The following ATAD2B variants were observed in gnomAD, a reference collection of about 807,000 sequenced individuals.
ATAD2B encodes ATPase family AAA domain-containing protein 2B.
Under a neutral mutation model 167.6 loss-of-function variants are expected in ATAD2B, and 40 were observed. The ratio of observed to expected loss-of-function variants is 0.24; its 90% CI spans 0.19 to 0.31. ATAD2B has a LOEUF of 0.31. Among genes scored for constraint, ATAD2B ranks in the 10% least tolerant of loss-of-function variants. ATAD2B has a pLI of 1.00. For missense variants in ATAD2B, 1,242 were observed against 1,757.2 expected (o/e 0.71, Z 5.24); for synonymous variants, 579 against 596.5 (o/e 0.97, Z 0.43).
At chr2:23,788,423 A>T in intron 20 of ATAD2B, 89 bp downstream of exon 20, 1 of 1,418,974 alleles carries the variant, frequency 7.0e-7, no homozygotes, top group Non-Finnish European at 9.7e-7. Context: ...CTCACTTCCA[A>T]GAAGAAAGGG....
intron 18 of ATAD2B, among the ~76,000 whole-genome samples, chr2:23,808,142 TTATATTA>T (rs1470408597): frequency 1.5e-4 from 3 of 19,846 alleles, no homozygotes; most frequent in East Asian, 2.8e-3. Context: ...AAGTGATTAC[TTATATTA>T]TATGTTATTT....
chr2:23,781,329 C>CA (rs1338978418), intron 22 of ATAD2B, among the ~76,000 whole-genome samples: 2 of 136,144 alleles, frequency 1.5e-5, no homozygotes, highest in South Asian at 2.3e-4. Context: ...GTCCTGACCA[C>CA]AAAAAAATAA....
intron 13 of ATAD2B, among the ~76,000 whole-genome samples, chr2:23,849,498 T>C (rs887233597): frequency 5.3e-5 from 8 of 152,214 alleles, no homozygotes; most frequent in African/African-American, 1.9e-4. Flanking sequence ...TTAACATATT[T>C]GTCTCTGCAA....
chr2:23,904,101 T>C (rs183220357), intron 1 of ATAD2B, among the ~76,000 whole-genome samples: 41 of 152,182 alleles, frequency 2.7e-4, no homozygotes, highest in Admixed American at 9.2e-4. Flanking sequence ...AACACACCTC[T>C]GAGTTGAAGT....
At chr2:23,824,083 G>A (rs967282886) in intron 15 of ATAD2B, among the ~76,000 whole-genome samples, 1 of 152,032 alleles carries the variant, frequency 6.6e-6, no homozygotes, top group Non-Finnish European at 1.5e-5. Context: ...TGAGTAGCTA[G>A]GACTACGGGC....
At chr2:23,734,080 A>G in the ATAD2B span, among the ~76,000 whole-genome samples, 2 of 152,154 alleles carry the variant, frequency 1.3e-5, no homozygotes, top group African/African-American at 4.8e-5. Context: ...CCTTCCATGC[A>G]TTACTAGGTT....
At chr2:23,686,933 G>A in the ATAD2B span, among the ~76,000 whole-genome samples, 1 of 152,158 alleles carries the variant, frequency 6.6e-6, no homozygotes, top group Admixed American at 6.5e-5. Context: ...GTGCCTTCTT[G>A]GGAGGAAAGC....
chr2:23,735,581 G>C, the ATAD2B span, among the ~76,000 whole-genome samples: 2 of 152,318 alleles, frequency 1.3e-5, no homozygotes, highest in East Asian at 3.9e-4. Flanking sequence ...GAGAAGAAAA[G>C]GACTAGCTGG....
Position 23,926,925 on chromosome 2 carries a change from C to A in ATAD2B, c.-155G>T, listed in dbSNP as rs1704970767. 2 of 911,824 alleles carry A rather than the reference C, an allele frequency of 2.2e-6. No individual in the cohort carries two copies. Among genetic ancestry groups the A allele is most frequent in the South Asian group, 2.1e-5 (1 of 48,498 alleles). 56.5% of individuals were successfully genotyped at this position (911,824 alleles called of 1,614,324 possible). A position where few individuals can be genotyped will look rare whatever the true frequency, so the allele number is the denominator to read the frequency against. ...AGCGCAGACGAGCACAAGAGAGAGC[C>A]GGGCAGAGGAAGGGAAGTCGGCGTG... is the stretch of plus-strand genomic sequence containing the variant. On this transcript the variant is annotated 5_prime_UTR_variant, in exon 1 of 28. Transcript: ENST00000238789.
At chr2:23,926,422 C>A (rs1704826952) in intron 1 of ATAD2B, 133 bp downstream of exon 1, 2 of 1,415,128 alleles carry the variant, frequency 1.4e-6, no homozygotes, top group Non-Finnish European at 1.8e-6. Flanking sequence ...CCCTCCACCG[C>A]GCCCGCAGAC....
intron 15 of ATAD2B, among the ~76,000 whole-genome samples, chr2:23,825,414 A>G (rs576250512): frequency 2.0e-5 from 3 of 152,342 alleles, no homozygotes; most frequent in African/African-American, 7.2e-5. Context: ...GTTCCATGAC[A>G]GTGATCTATC....
At chr2:23,909,477 TATACATAC>T (rs559538783) in intron 1 of ATAD2B, among the ~76,000 whole-genome samples, 2 of 151,710 alleles carry the variant, frequency 1.3e-5, no homozygotes, top group East Asian at 3.9e-4. Context: ...TACATATATA[TATACATAC>T]ATACATACAT....
chr2:23,745,422 A>AAGGAAGGAAGGAAGGGG (rs1491261605), downstream of ATAD2B, among the ~76,000 whole-genome samples: 26 of 85,062 alleles, frequency 3.1e-4, no homozygotes, highest in Admixed American at 8.0e-4. Context: ...GGAAGGAAGG[A>AAGGAAGGAAGGAAGGGG]AAGGGAAGGG....
At chr2:23,882,568 G>C (rs981873011) in intron 6 of ATAD2B, among the ~76,000 whole-genome samples, 3 of 151,570 alleles carry the variant, frequency 2.0e-5, no homozygotes, top group African/African-American at 7.3e-5. Flanking sequence ...CAGCACTTTG[G>C]GAGGCCAAGG....
At chr2:23,903,883 A>G (rs1233692932) in intron 1 of ATAD2B, among the ~76,000 whole-genome samples, 1 of 152,202 alleles carries the variant, frequency 6.6e-6, no homozygotes, top group Non-Finnish European at 1.5e-5. Flanking sequence ...TAGCGATATC[A>G]GTGCTGTATT....
chr2:23,833,973 G>C lies in ATAD2B; in HGVS notation c.1674C>G (p.Leu558=). The stretch of plus-strand genomic sequence containing the variant: ...CTCTGTCAAAACGACCAGGTCTCCT[G>C]AGTGCAGGATCTATAGAGTCAAGTC... The part of the protein sequence containing the change: ...TNRLDSIDPA[L]RRPGRFDREF... Residue 558 remains leucine, a synonymous_variant, in exon 14 of 28, where the codon CTC becomes CTG. Coordinates refer to ENST00000238789, the MANE Select transcript of ATAD2B (RefSeq NM_017552.4). 1 of 1,612,436 alleles carries C rather than the reference G, an allele frequency of 6.2e-7. No homozygotes were observed. The highest frequency in any genetic ancestry group is 8.5e-7 in the Non-Finnish European group (1 of 1,179,498).
At chr2:23,880,554 C>G (rs1004053102) in intron 7 of ATAD2B, 85 bp downstream of exon 7, 3 of 756,620 alleles carry the variant, frequency 4.0e-6, no homozygotes, top group Non-Finnish European at 6.5e-6. Flanking sequence ...TGGAGCGAGA[C>G]TCTGTCTCAA....
intron 13 of ATAD2B, among the ~76,000 whole-genome samples, chr2:23,841,923 G>A (rs902774701): frequency 2.0e-5 from 3 of 151,944 alleles, no homozygotes; most frequent in African/African-American, 7.3e-5. Context: ...TCTACTTTTG[G>A]GCTAGTGTGA....
intron 12 of ATAD2B, among the ~76,000 whole-genome samples, chr2:23,863,116 G>A (rs969355926): frequency 1.3e-5 from 2 of 152,092 alleles, no homozygotes; most frequent in Non-Finnish European, 2.9e-5. Context: ...AGACCAGCTG[G>A]CCAACGTGGT....
Sources: allele counts gnomAD v4.1 joint callset (sites outside exome capture counted in the v4.1 genomes callset), GRCh38; gene constraint gnomAD v4.1.1; transcripts MANE v1.5; gene names NCBI Gene and HGNC (gene_info 2026-07-23, HGNC 2026-07-21).